PRKAG2: variants seen among roughly 807,000 people sequenced by gnomAD.
PRKAG2 encodes protein kinase AMP-activated non-catalytic subunit gamma 2, also known as 5'-AMP-activated protein kinase subunit gamma-2.
PRKAG2 carries 26 observed loss-of-function variants against 69.6 expected under a neutral mutation model. That is an observed-to-expected ratio of 0.37 (90% CI 0.27 to 0.52). The LOEUF (loss-of-function observed/expected upper bound fraction) is 0.52, where lower values mean the gene tolerates loss of function less well. Ranked by LOEUF, PRKAG2 falls within the 20% of genes least tolerant of loss-of-function variation. PRKAG2 has a pLI of 0.90. For synonymous variants in PRKAG2, 293 were observed against 285.0 expected, an observed-to-expected ratio of 1.03 and a Z score of -0.28; for missense variants, 557 against 740.0, an observed-to-expected ratio of 0.75 and a Z score of 2.87.
intron 4 of PRKAG2, among the ~76,000 whole-genome samples, chr7:151,657,723 C>T (rs1475633855): frequency 6.6e-6 from 1 of 152,200 alleles, no homozygotes; most frequent in Non-Finnish European, 1.5e-5. Flanking sequence ...CCTTCATAGT[C>T]TAGACACCAG....
At chr7:151,742,679 C>T (rs1049108904) in intron 3 of PRKAG2, among the ~76,000 whole-genome samples, 2 of 151,976 alleles carry the variant, frequency 1.3e-5, no homozygotes, top group African/African-American at 4.8e-5. Context: ...TTAAAGCCAC[C>T]TCGCAACACA....
At chr7:151,683,834 G>A (rs991412708) in intron 3 of PRKAG2, among the ~76,000 whole-genome samples, 14 of 152,068 alleles carry the variant, frequency 9.2e-5, no homozygotes, top group African/African-American at 3.1e-4. Flanking sequence ...TGGGCGGCGC[G>A]AGACCCTGTG....
intron 5 of PRKAG2, among the ~76,000 whole-genome samples, chr7:151,629,829 T>C (rs1209455870): frequency 6.6e-6 from 1 of 152,156 alleles, no homozygotes; most frequent in Non-Finnish European, 1.5e-5. Context: ...GAAATGAGGA[T>C]CTCGTCAAGG....
At chr7:151,782,740 C>T (rs1165380239) in intron 2 of PRKAG2, among the ~76,000 whole-genome samples, 2 of 152,154 alleles carry the variant, frequency 1.3e-5, no homozygotes, top group African/African-American at 2.4e-5. Context: ...ATGAGGATGG[C>T]CGTGCCCTCA....
chr7:151,624,818 C>G (rs905710942), intron 5 of PRKAG2, among the ~76,000 whole-genome samples: 1 of 152,140 alleles, frequency 6.6e-6, no homozygotes, highest in East Asian at 1.9e-4. Flanking sequence ...CTTTGATTAG[C>G]GCACCATCAA....
At chr7:151,769,533 A>C (rs980367376) in intron 3 of PRKAG2, among the ~76,000 whole-genome samples, 1 of 152,258 alleles carries the variant, frequency 6.6e-6, no homozygotes, top group African/African-American at 2.4e-5. Context: ...GGCAACTGCC[A>C]GAAGCTAGGA....
At chr7:151,561,652 G>C (rs1375553035) in intron 14 of PRKAG2, among the ~76,000 whole-genome samples, 1 of 152,244 alleles carries the variant, frequency 6.6e-6, no homozygotes, top group Non-Finnish European at 1.5e-5. Context: ...CTTCATGATG[G>C]CCGGGCGCGA....
Position 151,569,877 on chromosome 7 carries a change from C to A in PRKAG2, c.1106+294G>T, listed in dbSNP as rs541711924. ...TGGGCCCTATCCTGATTTAGCAGGT[C>A]AGGGGTAAAAGCCCAGGAATCTGCA... On this transcript the variant is annotated intron_variant, in intron 10 of 15. Coordinates refer to ENST00000287878, the MANE Select transcript of PRKAG2 (RefSeq NM_016203.4). 3.3e-5 allele frequency among the ~76,000 whole-genome samples: 5 copies of A among 152,252 alleles called. No individual in the cohort carries two copies. The South Asian group carries it at 1.0e-3, about 32-fold the overall frequency.
intron 3 of PRKAG2, among the ~76,000 whole-genome samples, chr7:151,718,771 AC>A (rs1340027984): frequency 6.6e-6 from 1 of 151,770 alleles, no homozygotes; most frequent in Non-Finnish European, 1.5e-5. Context: ...GACTGGAGGG[AC>A]CCCTTCCATG....
At chr7:151,774,380 T>C (rs1216717312) in intron 3 of PRKAG2, among the ~76,000 whole-genome samples, 1 of 152,200 alleles carries the variant, frequency 6.6e-6, no homozygotes, top group Non-Finnish European at 1.5e-5. Flanking sequence ...ATGGTCCCCA[T>C]CTGTGTTCCC....
At chr7:151,872,670 C>T (rs1401317233) in intron 1 of PRKAG2, among the ~76,000 whole-genome samples, 1 of 152,248 alleles carries the variant, frequency 6.6e-6, no homozygotes. Context: ...CTGGACCCCT[C>T]CTGGGTTGAG....
intron 1 of PRKAG2, among the ~76,000 whole-genome samples, chr7:151,791,828 A>G (rs1001112332): frequency 2.0e-5 from 3 of 152,264 alleles, no homozygotes; most frequent in African/African-American, 4.8e-5. Context: ...CAGAGCCAAC[A>G]TTAATCTGAC....
Position 151,835,055 on chromosome 7 carries a change from A to T in PRKAG2, c.114+41452T>A, listed in dbSNP as rs2079117152. Among the ~76,000 whole-genome samples the T allele has an allele frequency of 6.6e-6, 1 of 152,144 alleles. No individual in the cohort carries two copies. Among genetic ancestry groups the T allele is most frequent in the African/African-American group, 2.4e-5 (1 of 41,440 alleles). On this transcript the variant is annotated intron_variant, in intron 1 of 15. Transcript: ENST00000287878. This position sits in a 1 kb window ranked among gnomAD's most constrained non-coding sequence, Gnocchi z 4.1. ...TACGCAGATGCCAGCCATGTGGAAA[A>T]GGGCCAGCCTGCTCCAATGTGGCCT... is the stretch of plus-strand genomic sequence containing the variant.
intron 1 of PRKAG2, among the ~76,000 whole-genome samples, chr7:151,803,805 G>T (rs144557557): frequency 0.013 from 1,931 of 151,596 alleles, 54 homozygotes; most frequent in Admixed American, 0.054. Context: ...GGGCATGGTG[G>T]TGGGCGCCTA....
intron 3 of PRKAG2, among the ~76,000 whole-genome samples, chr7:151,709,395 T>C (rs1167363022): frequency 6.6e-6 from 1 of 151,922 alleles, no homozygotes; most frequent in Non-Finnish European, 1.5e-5. Context: ...TGACATTGAG[T>C]GATGTGATAT....
intron 6 of PRKAG2, among the ~76,000 whole-genome samples, chr7:151,594,621 A>G (rs570040868): frequency 7.2e-5 from 11 of 152,288 alleles, no homozygotes; most frequent in African/African-American, 2.6e-4. Flanking sequence ...CAAATTTATC[A>G]TATGTTCTAC....
intron 4 of PRKAG2, among the ~76,000 whole-genome samples, chr7:151,659,890 G>A (rs964030741): frequency 3.3e-5 from 5 of 152,122 alleles, no homozygotes; most frequent in African/African-American, 1.2e-4. Context: ...CATCACTCAC[G>A]GCTCATGCGA....
Position 151,807,071 on chromosome 7 carries a change from G to A in PRKAG2, c.115-20530C>T. 1 of 430,006 alleles carries A rather than the reference G, an allele frequency of 2.3e-6. No individual in the cohort carries two copies. The highest frequency in any genetic ancestry group is 4.6e-6 in the Non-Finnish European group (1 of 216,662). The allele number at this position is 430,006 out of a possible 1,614,324, so 26.6% of individuals were successfully genotyped here. A position where few individuals can be genotyped will look rare whatever the true frequency, so the allele number is the denominator to read the frequency against. On this transcript the variant is annotated intron_variant, in intron 1 of 15. Transcript: ENST00000287878. The surrounding 1 kb of genome is among the most constrained non-coding windows in gnomAD (Gnocchi z 4.4). ...GGACCCACCCTCAAGTCTGAAGGTG[G>A]AGGTGGGGAAGGGCAGAGGCTGTAA...
chr7:151,853,631 G>C (rs1157379426), intron 1 of PRKAG2, among the ~76,000 whole-genome samples: 1 of 151,950 alleles, frequency 6.6e-6, no homozygotes, highest in Non-Finnish European at 1.5e-5. Flanking sequence ...GTGGTGGCGG[G>C]TGCCTGTAGT....
Sources: gnomAD v4.1 joint callset for allele counts (sites outside exome capture counted in the v4.1 genomes callset) on GRCh38, gnomAD v4.1.1 for gene constraint, Gnocchi (gnomAD v3.1) non-coding constraint, MANE v1.5 for transcripts, NCBI Gene and HGNC (gene_info 2026-07-23, HGNC 2026-07-21) for gene names.